The following HDAC8 variants were observed in gnomAD, a reference collection of about 807,000 sequenced individuals.
The protein encoded by HDAC8 is histone deacetylase 8.
HDAC8 carries 1 observed loss-of-function variant against 32.2 expected under a neutral mutation model. The ratio of observed to expected loss-of-function variants is 0.03; its 90% CI spans 0.01 to 0.15. The LOEUF is 0.15. HDAC8 is among the 10% of genes least tolerant of loss of function. The pLI is 1.00. For missense variants in HDAC8, 117 were observed against 300.0 expected, an observed-to-expected ratio of 0.39 and a Z score of 4.51; for synonymous variants, 108 against 113.9, an observed-to-expected ratio of 0.95 and a Z score of 0.33.
intron 9 of HDAC8, among the ~76,000 whole-genome samples, chrX:72,445,381 T>C (rs1300425091): frequency 9.0e-6 from 1 of 111,517 alleles, no homozygotes; most frequent in Non-Finnish European, 1.9e-5. Context: ...TAATGCCGCA[T>C]ATCTACAACT....
intron 7 of HDAC8, among the ~76,000 whole-genome samples, chrX:72,470,079 C>T (rs2048124310): frequency 9.1e-6 from 1 of 109,707 alleles, no homozygotes; most frequent in Admixed American, 9.8e-5. Context: ...ACCTGGGAGG[C>T]GGAGGTTGCA....
intron 10 of HDAC8, among the ~76,000 whole-genome samples, chrX:72,337,684 T>C (rs1480900208): frequency 1.8e-5 from 2 of 111,489 alleles, no homozygotes; most frequent in African/African-American, 3.3e-5. Context: ...GTTCTCTATA[T>C]AGCAGCCAGA....
chrX:72,376,666 G>A (rs1232908217), intron 9 of HDAC8, among the ~76,000 whole-genome samples: 2 of 111,503 alleles, frequency 1.8e-5, no homozygotes, highest in South Asian at 3.8e-4. Context: ...TGATCCACCC[G>A]CCTTGGCCTC....
intron 9 of HDAC8, among the ~76,000 whole-genome samples, chrX:72,440,363 C>A (rs2047090838): frequency 9.0e-6 from 1 of 111,516 alleles, no homozygotes; most frequent in Non-Finnish European, 1.9e-5. Context: ...GTGCCCACAA[C>A]AGAAAGCAGG....
At chrX:72,502,787 G>A (rs781866985) in intron 4 of HDAC8, among the ~76,000 whole-genome samples, 3 of 109,923 alleles carry the variant, frequency 2.7e-5, no homozygotes, top group East Asian at 2.9e-4. Flanking sequence ...TTAGCCAGGC[G>A]TGGTGGCATG....
At chrX:72,488,154 G>A (rs1244586944) in intron 7 of HDAC8, among the ~76,000 whole-genome samples, 9 of 111,261 alleles carry the variant, frequency 8.1e-5, no homozygotes, top group African/African-American at 2.6e-4. Flanking sequence ...GTGCAGGCAG[G>A]CTTCTTTGGG....
At chrX:72,496,091 T>C (rs1349966771) in intron 4 of HDAC8, among the ~76,000 whole-genome samples, 3 of 111,418 alleles carry the variant, frequency 2.7e-5, no homozygotes, top group Non-Finnish European at 5.6e-5. Flanking sequence ...TTTTAAGGCC[T>C]CATCCTAAAT....
At chrX:72,555,602 A>G (rs1411972663) in intron 4 of HDAC8, among the ~76,000 whole-genome samples, 3 of 112,496 alleles carry the variant, frequency 2.7e-5, no homozygotes, top group African/African-American at 9.7e-5. Flanking sequence ...AGAGAAATGC[A>G]AAATGCACTG....
At chrX:72,538,428 C>G (rs2050602197) in intron 4 of HDAC8, among the ~76,000 whole-genome samples, 1 of 110,884 alleles carries the variant, frequency 9.0e-6, no homozygotes, top group Non-Finnish European at 1.9e-5. Context: ...AGGTGATCCA[C>G]CCACCTCGGC....
chrX:72,557,590 GC>G (rs2147528180), intron 4 of HDAC8, among the ~76,000 whole-genome samples: 1 of 110,533 alleles, frequency 9.0e-6, no homozygotes, highest in South Asian at 3.9e-4. Flanking sequence ...AAGGGGAAAT[GC>G]CCCTTAGCAA....
chrX:72,403,533 A>G (rs905915485), intron 9 of HDAC8, among the ~76,000 whole-genome samples: 1 of 112,573 alleles, frequency 8.9e-6, no homozygotes, highest in Admixed American at 9.4e-5. Context: ...TCTCTTTTAA[A>G]AAGGCTGAGA....
chrX:72,393,309 G>C (rs1779767741), intron 9 of HDAC8, among the ~76,000 whole-genome samples: 1 of 111,346 alleles, frequency 9.0e-6, no homozygotes, highest in Non-Finnish European at 1.9e-5. Flanking sequence ...CCAGAACAGT[G>C]GGTGAAAAGT....
chrX:72,469,149 G>GT (rs60517532), intron 7 of HDAC8, among the ~76,000 whole-genome samples: 47,960 of 105,276 alleles, frequency 0.46, 10,763 homozygotes, highest in African/African-American at 0.83. Context: ...CTATTCCCTA[G>GT]TTTTTTTTTT....
intron 4 of HDAC8, among the ~76,000 whole-genome samples, chrX:72,549,185 G>A (rs1556062841): frequency 9.0e-6 from 1 of 111,390 alleles, no homozygotes; most frequent in Admixed American, 9.5e-5. Flanking sequence ...TGGTTTCTAT[G>A]ATGTCTTTTC....
At chrX:72,460,612 C>T (rs1311015810) in intron 9 of HDAC8, among the ~76,000 whole-genome samples, 13 of 111,693 alleles carry the variant, frequency 1.2e-4, no homozygotes, top group African/African-American at 3.9e-4. Flanking sequence ...GTACCAGAGG[C>T]GATATTCATC....
chrX:72,421,281 G>A (rs1569284953), intron 9 of HDAC8, among the ~76,000 whole-genome samples: 1 of 111,077 alleles, frequency 9.0e-6, no homozygotes, highest in Non-Finnish European at 1.9e-5. Context: ...TGTTACACAG[G>A]TAAACGTCTG....
At chrX:72,489,199 T>C (rs2048776362) in intron 6 of HDAC8, 158 bp from the exon 7 acceptor site, 1 of 481,858 alleles carries the variant, frequency 2.1e-6, no homozygotes, top group Non-Finnish European at 3.6e-6. Context: ...AGGCAAATCA[T>C]AAGGAAACTG....
chrX:72,448,463 C>T (rs1158806989), intron 9 of HDAC8, among the ~76,000 whole-genome samples: 1 of 112,154 alleles, frequency 8.9e-6, no homozygotes, highest in Non-Finnish European at 1.9e-5. Flanking sequence ...AAACATAAGA[C>T]CTAAAATCAT....
chrX:72,421,384 C>G lies in HDAC8; in HGVS notation c.1005+40620G>C, dbSNP rs934487000. ...TTTGATGCTCTCCCTTCCCCAACCCCCTCCCGACAGGCTCCAGTGTGTGTT... is the reference window on the plus strand; with the variant it reads ...TTTGATGCTCTCCCTTCCCCAACCCGCTCCCGACAGGCTCCAGTGTGTGTT... On this transcript the variant is annotated intron_variant, in intron 9 of 10. Transcript: ENST00000373573. Among the ~76,000 whole-genome samples the G allele has an allele frequency of 3.4e-4, 38 of 111,503 alleles. 1 individual carries two copies. The highest frequency in any genetic ancestry group is 1.1e-3 in the African/African-American group (34 of 30,692).
Sources: allele counts gnomAD v4.1 joint callset (sites outside exome capture counted in the v4.1 genomes callset), GRCh38; gene constraint gnomAD v4.1.1; transcripts MANE v1.5; gene names NCBI Gene and HGNC (gene_info 2026-07-23, HGNC 2026-07-21).